Variants in PLCE1 observed in about 807,000 individuals in gnomAD.
PLCE1 encodes 1-phosphatidylinositol 4,5-bisphosphate phosphodiesterase epsilon-1.
A neutral mutation model predicts 242.8 loss-of-function variants in PLCE1; 119 were observed. That is an observed-to-expected ratio of 0.49 (90% confidence interval 0.42 to 0.57). PLCE1 has a LOEUF of 0.57. Ranked by LOEUF, PLCE1 falls within the 20% of genes least tolerant of loss-of-function variation. The pLI is 0.00. For synonymous variants in PLCE1, 945 were observed against 1,017.4 expected, an observed-to-expected ratio of 0.93 and a Z score of 1.35; for missense variants, 2,441 against 2,788.8, an observed-to-expected ratio of 0.88 and a Z score of 2.81.
intron 1 of PLCE1, among the ~76,000 whole-genome samples, chr10:94,024,807 C>T (rs1459494863): frequency 6.6e-6 from 1 of 152,048 alleles, no homozygotes; most frequent in East Asian, 1.9e-4. Context: ...ATAACTTTCC[C>T]ACCAATGCAG....
At chr10:94,012,911 T>A (rs1198127435) in intron 1 of PLCE1, among the ~76,000 whole-genome samples, 1 of 152,194 alleles carries the variant, frequency 6.6e-6, no homozygotes, top group African/African-American at 2.4e-5. Flanking sequence ...CTAGAAAGCC[T>A]TCCTTGACTA....
chr10:94,179,512 G>GTTAGTTTTTTTTTTTTTTTTTT (rs2048228281), intron 4 of PLCE1, among the ~76,000 whole-genome samples: 1 of 19,398 alleles, frequency 5.2e-5, no homozygotes, highest in East Asian at 2.4e-3. Flanking sequence ...TTTTAGTTTA[G>GTTAGTTTTTTTTTTTTTTTTTT]TTTTTTTTTT....
chr10:94,047,358 A>G (rs2043626105), intron 2 of PLCE1, among the ~76,000 whole-genome samples: 1 of 152,190 alleles, frequency 6.6e-6, no homozygotes, highest in Non-Finnish European at 1.5e-5. Context: ...TGAGAAGGCA[A>G]AGTGTTCCGC....
intron 4 of PLCE1, among the ~76,000 whole-genome samples, chr10:94,173,497 A>G (rs571044333): frequency 6.6e-6 from 1 of 152,342 alleles, no homozygotes; most frequent in South Asian, 2.1e-4. Context: ...TTAAACTTCC[A>G]GATCTACCCA....
chr10:94,138,194 A>G, intron 3 of PLCE1: 1 of 360,638 alleles, frequency 2.8e-6, no homozygotes. Context: ...TCAATGATAC[A>G]GTCTTGGCCC....
intron 3 of PLCE1, among the ~76,000 whole-genome samples, chr10:94,165,103 A>C (rs1223173732): frequency 9.9e-5 from 15 of 152,246 alleles, no homozygotes; most frequent in Admixed American, 9.8e-4. Context: ...TTGAGGAGGC[A>C]GTCTGTCTGT....
At chr10:94,166,438 G>A (rs2047805158) in intron 3 of PLCE1, among the ~76,000 whole-genome samples, 2 of 152,098 alleles carry the variant, frequency 1.3e-5, no homozygotes, top group Non-Finnish European at 2.9e-5. Flanking sequence ...GATTCTGCCG[G>A]GTTTTGATAA....
chr10:94,230,358 C>T (rs1190904288), intron 5 of PLCE1, among the ~76,000 whole-genome samples: 2 of 152,082 alleles, frequency 1.3e-5, no homozygotes, highest in East Asian at 1.9e-4. Context: ...GGAGCCTCAC[C>T]GTGTCGCCCA....
intron 2 of PLCE1, among the ~76,000 whole-genome samples, chr10:94,067,911 T>C (rs1395742334): frequency 2.0e-5 from 3 of 152,174 alleles, no homozygotes; most frequent in South Asian, 2.1e-4. Flanking sequence ...AGTATGGGTC[T>C]TGGGGAAGGG....
At chr10:94,216,747 G>A (rs961718620) in intron 4 of PLCE1, among the ~76,000 whole-genome samples, 10 of 151,970 alleles carry the variant, frequency 6.6e-5, no homozygotes, top group Non-Finnish European at 1.5e-4. Context: ...ACATTTGTAA[G>A]CAACTGGTAA....
At chr10:94,241,667 G>A (rs1218600259) in intron 7 of PLCE1, among the ~76,000 whole-genome samples, 3 of 151,886 alleles carry the variant, frequency 2.0e-5, no homozygotes, top group Admixed American at 1.3e-4. Context: ...GCGGGCACCT[G>A]TAATCCCAAC....
chr10:94,295,800 T>C (rs2052791705), intron 23 of PLCE1, among the ~76,000 whole-genome samples: 1 of 152,168 alleles, frequency 6.6e-6, no homozygotes, highest in African/African-American at 2.4e-5. Flanking sequence ...ACATGAAAAA[T>C]CATGCTGTAA....
At chr10:94,081,544 G>T (rs2135240581) in intron 2 of PLCE1, among the ~76,000 whole-genome samples, 1 of 152,310 alleles carries the variant, frequency 6.6e-6, no homozygotes, top group East Asian at 1.9e-4. Flanking sequence ...GTATGCAGTT[G>T]AGTATATTTC....
Position 94,081,926 on chromosome 10 carries a change from G to T in PLCE1, c.1206+49674G>T, listed in dbSNP as rs191675496. On this transcript the variant is annotated intron_variant, in intron 2 of 32. Coordinates refer to ENST00000371380, the MANE Select transcript of PLCE1 (RefSeq NM_016341.4). ...AGGCATGAAATTTTATTGAAGTGAT[G>T]CCAGAGAAGCACTTCCAGTGTGTCT... 1.3e-3 allele frequency: 205 copies of T among 152,304 alleles called. 1 individual carries two copies. The highest frequency in any genetic ancestry group is 4.2e-3 in the African/African-American group (173 of 41,558). The allele number at this position is 152,304 out of a possible 1,614,324, so 9.4% of individuals were successfully genotyped here. A position where few individuals can be genotyped will look rare whatever the true frequency, so the allele number is the denominator to read the frequency against.
intron 3 of PLCE1, among the ~76,000 whole-genome samples, chr10:94,132,818 C>T (rs986078177): frequency 7.9e-5 from 12 of 152,002 alleles, no homozygotes; most frequent in African/African-American, 1.9e-4. Flanking sequence ...AGGGTGGTGG[C>T]GGGCGCCTGT....
At chr10:94,326,400 A>C (rs964974730) in intron 32 of PLCE1, among the ~76,000 whole-genome samples, 1 of 152,206 alleles carries the variant, frequency 6.6e-6, no homozygotes, top group Non-Finnish European at 1.5e-5. Flanking sequence ...AAAATAACTG[A>C]TGTCCTATAT....
intron 2 of PLCE1, among the ~76,000 whole-genome samples, chr10:94,077,928 C>A (rs2044553322): frequency 1.3e-5 from 2 of 152,078 alleles, no homozygotes; most frequent in Non-Finnish European, 2.9e-5. Context: ...ACCCAGAATC[C>A]CTAATTTGCT....
In PLCE1 at chr10:94,031,152, A is replaced by G. The variant is rs1463688295; in HGVS notation, c.106A>G (p.Ile36Val). 13 of 1,613,762 alleles carry G rather than the reference A, an allele frequency of 8.1e-6. No individual in the cohort carries two copies. The Admixed American group carries it at 8.3e-5, about 10-fold the overall frequency. ...ADESSEKVSD[I>V]NISKAHTVRR... ...TGAAAGTAGTGAAAAGGTCTCAGACATCAATATTTCAAAAGCACATACTGT... is the reference window on the plus strand; with the variant it reads ...TGAAAGTAGTGAAAAGGTCTCAGACGTCAATATTTCAAAAGCACATACTGT... The change falls in exon 2 of 33, where the codon ATC (isoleucine) becomes GTC (valine). Residue 36 changes from isoleucine to valine, a missense_variant. Physicochemically the swap from Ile to Val is conservative, Grantham distance 29. Coordinates refer to ENST00000371380, the MANE Select transcript of PLCE1 (RefSeq NM_016341.4).
rs2132864803 is a variant in PLCE1, at chr10:94,254,873, T to A, written c.3398-20T>A. 1 of 1,613,502 alleles carries A rather than the reference T, an allele frequency of 6.2e-7. No homozygotes were observed. The highest frequency in any genetic ancestry group is 2.2e-5 in the East Asian group (1 of 44,888). On this transcript the variant is annotated intron_variant, in intron 10 of 32. Coordinates refer to ENST00000371380, the MANE Select transcript of PLCE1 (RefSeq NM_016341.4). ...GTATAATCTGAGTCATTCTCTCTTT[T>A]CTGTCTTTCATCCTCACAGAGGTGA...
Sources: gnomAD v4.1 joint callset for allele counts (sites outside exome capture counted in the v4.1 genomes callset) on GRCh38, gnomAD v4.1.1 for gene constraint, MANE v1.5 for transcripts, NCBI Gene and HGNC (gene_info 2026-07-23, HGNC 2026-07-21) for gene names.